Variants in VPS39 observed in about 807,000 individuals in gnomAD.
VPS39 encodes VPS39 subunit of HOPS complex.
Under a neutral mutation model 121.0 loss-of-function variants are expected in VPS39, and 70 were observed. The observed-to-expected ratio is 0.58, with a 90% CI of 0.48 to 0.71. The LOEUF (loss-of-function observed/expected upper bound fraction) is 0.71, where lower values mean the gene tolerates loss of function less well. VPS39 is among the 30% of genes least tolerant of loss of function. The probability of loss-of-function intolerance (pLI) is 0.00; values close to 1 mark genes in which losing one functional copy is unlikely to be tolerated. For missense variants in VPS39, 818 were observed against 1,051.5 expected, an observed-to-expected ratio of 0.78 and a Z score of 3.07; for synonymous variants, 378 against 398.1, an observed-to-expected ratio of 0.95 and a Z score of 0.60.
At chr15:42,182,384 A>C (rs533288484) in intron 8 of VPS39, among the ~76,000 whole-genome samples, 8 of 152,376 alleles carry the variant, frequency 5.3e-5, no homozygotes, top group Admixed American at 4.6e-4. Flanking sequence ...AATCTATAAC[A>C]GAAACCCCTT....
intron 24 of VPS39, 185 bp from the exon 25 acceptor site, chr15:42,161,014 C>A (rs1003465335): frequency 1.5e-5 from 9 of 613,084 alleles, no homozygotes; most frequent in Non-Finnish European, 2.0e-5. Flanking sequence ...TGTCAAATAA[C>A]CAAACAGAGG....
intron 17 of VPS39, 52 bp from the exon 18 acceptor site, chr15:42,165,165 G>T (rs1433378855): frequency 1.3e-6 from 2 of 1,551,140 alleles, no homozygotes; most frequent in South Asian, 1.1e-5. Context: ...CTGTGACCTG[G>T]TCTCCCAGCC....
At chr15:42,181,361 T>C (rs1410347515) in intron 8 of VPS39, among the ~76,000 whole-genome samples, 1 of 152,142 alleles carries the variant, frequency 6.6e-6, no homozygotes, top group Non-Finnish European at 1.5e-5. Flanking sequence ...GTCAAATTCA[T>C]AGAAGCAGAA....
chr15:42,160,356 C>A lies in VPS39; in HGVS notation c.*398G>T. 4.9e-6 allele frequency: 1 copy of A among 204,772 alleles called. No individual in the cohort carries two copies. The highest frequency in any genetic ancestry group is 1.0e-5 in the Non-Finnish European group (1 of 98,254). The allele number at this position is 204,772 out of a possible 1,614,324, so 12.7% of individuals were successfully genotyped here. ...TCTCTCATGGAACTCTCCAGTGAGC[C>A]ATGCTGAGCGGTCCTTGTGAAGTCA... On this transcript the variant is annotated 3_prime_UTR_variant, in exon 25 of 25. Coordinates refer to ENST00000318006, the MANE Select transcript of VPS39 (RefSeq NM_015289.5).
At chr15:42,171,365 C>T (rs1469708369) in intron 11 of VPS39, among the ~76,000 whole-genome samples, 1 of 152,218 alleles carries the variant, frequency 6.6e-6, no homozygotes, top group Non-Finnish European at 1.5e-5. Context: ...TTTCCAGTGT[C>T]TGGTTATCAG....
intron 21 of VPS39, 80 bp from the exon 22 acceptor site, chr15:42,162,561 C>T (rs1595635448): frequency 6.2e-6 from 9 of 1,454,636 alleles, no homozygotes; most frequent in South Asian, 4.7e-5. Flanking sequence ...CCTAACGATT[C>T]GAGGGGCTCG....
intron 8 of VPS39, among the ~76,000 whole-genome samples, chr15:42,183,866 A>G (rs140247580): frequency 1.3e-5 from 2 of 152,290 alleles, no homozygotes; most frequent in East Asian, 3.9e-4. Context: ...ACTTCACAGC[A>G]GTAACTATTT....
chr15:42,160,567 T>C lies in VPS39; in HGVS notation c.*187A>G. The C allele has an allele frequency of 4.9e-6, 3 of 611,468 alleles. No homozygotes were observed. The South Asian group carries it at 5.8e-5, about 12-fold the overall frequency. 37.9% of individuals were successfully genotyped at this position (611,468 alleles called of 1,614,324 possible). ...AAGGTATAACTAATCTCTTTTCCCA[T>C]TAAAAAGCTGGCAATGCCAGACCAT... On this transcript the variant is annotated 3_prime_UTR_variant, in exon 25 of 25. Coordinates refer to ENST00000318006, the MANE Select transcript of VPS39 (RefSeq NM_015289.5).
intron 19 of VPS39, 37 bp from the exon 20 acceptor site, chr15:42,163,765 A>G (rs768822209): frequency 1.9e-5 from 28 of 1,506,700 alleles, no homozygotes; most frequent in Non-Finnish European, 2.3e-5. Flanking sequence ...CACTGCCGCC[A>G]TCACGCAAGC....
At chr15:42,197,737 C>G (rs915472013) in intron 2 of VPS39, among the ~76,000 whole-genome samples, 1 of 152,178 alleles carries the variant, frequency 6.6e-6, no homozygotes, top group Non-Finnish European at 1.5e-5. Context: ...TCAGAGCCTA[C>G]GATCCCTACC....
In VPS39 at chr15:42,166,745, C is replaced by A. The variant is rs749808706; in HGVS notation, c.1519+27G>T. 16 of 1,613,454 alleles carry A rather than the reference C, an allele frequency of 9.9e-6. 1 individual carries two copies. In the South Asian group the frequency reaches 1.8e-4, roughly 18 times the overall value. ...TCCCCTGCCATGTACAAGAGCCCCT[C>A]CCAGATCCAAGGAACCACTCCCACA... On this transcript the variant is annotated intron_variant, in intron 14 of 24. Coordinates refer to ENST00000318006, the MANE Select transcript of VPS39 (RefSeq NM_015289.5).
At chr15:42,200,763 C>T (rs1244554633) in intron 1 of VPS39, among the ~76,000 whole-genome samples, 1 of 152,172 alleles carries the variant, frequency 6.6e-6, no homozygotes, top group African/African-American at 2.4e-5. Flanking sequence ...ATGTTCACAG[C>T]AGTATTATCT....
chr15:42,192,152 C>G (rs1331584109), intron 2 of VPS39: 1 of 1,528,968 alleles, frequency 6.5e-7, no homozygotes, highest in Non-Finnish European at 8.8e-7. Context: ...GTGAATTCAG[C>G]CTTGCTGGGG....
chr15:42,187,193 G>A (rs753316927), intron 7 of VPS39, 78 bp downstream of exon 7: 23 of 1,148,194 alleles, frequency 2.0e-5, no homozygotes, highest in Middle Eastern at 2.0e-4. Flanking sequence ...TAAAGTGGTC[G>A]CTTGACCTGG....
intron 10 of VPS39, 72 bp downstream of exon 10, chr15:42,178,146 T>C (rs756080771): frequency 6.0e-5 from 96 of 1,599,034 alleles, no homozygotes; most frequent in Admixed American, 3.8e-4. Flanking sequence ...AAAATAAATA[T>C]GAACATTGAA....
chr15:42,206,999 T>A, intron 1 of VPS39, among the ~76,000 whole-genome samples: 1 of 152,248 alleles, frequency 6.6e-6, no homozygotes, highest in Admixed American at 6.5e-5. Context: ...GGACTAGAAC[T>A]GCTTACTGTG....
rs2049733887 is a variant in VPS39, at chr15:42,187,750, G to A, written c.441+8C>T. ...ACCCAACCATGGACCAAGGAACAGTGGACTTACCTGCAATTCATGAAATTC... is the reference window on the plus strand; with the variant it reads ...ACCCAACCATGGACCAAGGAACAGTAGACTTACCTGCAATTCATGAAATTC... On this transcript the variant is annotated splice_region_variant and intron_variant, in intron 6 of 24. Transcript: ENST00000318006. 4 of 1,613,916 alleles carry A rather than the reference G, an allele frequency of 2.5e-6. No homozygotes were observed. Among genetic ancestry groups the A allele is most frequent in the Non-Finnish European group, 2.5e-6 (3 of 1,179,836 alleles).
chr15:42,187,362 C>A lies in VPS39; in HGVS notation c.443G>T (p.Gly148Val). ...WKDREFHELQ[G>V]DFSVPDVPKS... is the part of the protein sequence containing the mutation. ...GGGCACATCTGGCACACTAAAGTCCCCCTGAAAAAAGAGAGCAAGGATCTG... is the reference window on the plus strand; with the variant it reads ...GGGCACATCTGGCACACTAAAGTCCACCTGAAAAAAGAGAGCAAGGATCTG... Residue 148 changes from glycine (G) to valine (V), a missense_variant and splice_region_variant, in exon 7 of 25, where the codon GGG becomes GTG. Coordinates refer to ENST00000318006, the MANE Select transcript of VPS39 (RefSeq NM_015289.5). The A allele has an allele frequency of 1.3e-6, 2 of 1,599,012 alleles. No individual in the cohort carries two copies. The highest frequency in any genetic ancestry group is 2.3e-5 in the South Asian group (2 of 87,652).
At chr15:42,177,616 TTAA>T (rs760681857) in intron 10 of VPS39, among the ~76,000 whole-genome samples, 14 of 152,328 alleles carry the variant, frequency 9.2e-5, no homozygotes, top group Non-Finnish European at 1.9e-4. Flanking sequence ...TCCATTATCT[TTAA>T]TTTTTCATGA....
Sources: gnomAD v4.1 joint callset for allele counts (sites outside exome capture counted in the v4.1 genomes callset) on GRCh38, gnomAD v4.1.1 for gene constraint, MANE v1.5 for transcripts, NCBI Gene and HGNC (gene_info 2026-07-23, HGNC 2026-07-21) for gene names.